Variants in DIS3L2 observed in about 807,000 individuals in gnomAD.
The protein encoded by DIS3L2 is DIS3-like exonuclease 2.
In DIS3L2, 34 loss-of-function variants were observed where a neutral mutation model predicts 97.5. The ratio of observed to expected loss-of-function variants is 0.35; its 90% confidence interval spans 0.27 to 0.46. DIS3L2 has a LOEUF of 0.46. Ranked by LOEUF, DIS3L2 falls within the 20% of genes least tolerant of loss-of-function variation. The pLI, the probability that DIS3L2 is intolerant of heterozygous loss-of-function variation, is 1.00. For synonymous variants in DIS3L2, 435 were observed against 445.2 expected (o/e 0.98, Z 0.29); for missense variants, 1,038 against 1,146.0 (o/e 0.91, Z 1.36).
intron 8 of DIS3L2, among the ~76,000 whole-genome samples, chr2:232,158,334 T>TGTGTGC (rs1553611915): frequency 3.4e-5 from 5 of 148,110 alleles, no homozygotes; most frequent in Non-Finnish European, 6.0e-5. Flanking sequence ...TGTGTGTGTG[T>TGTGTGC]GCATGTGTGT....
chr2:232,149,520 T>C (rs375926576), intron 8 of DIS3L2, among the ~76,000 whole-genome samples: 4,406 of 148,234 alleles, frequency 0.03, 208 homozygotes, highest in African/African-American at 0.1. Context: ...CTACAAAGGA[T>C]ATGAACTCAT....
intron 13 of DIS3L2, among the ~76,000 whole-genome samples, chr2:232,273,863 C>T (rs1694069989): frequency 1.3e-5 from 2 of 152,190 alleles, no homozygotes; most frequent in South Asian, 4.1e-4. Context: ...CTACCATTAG[C>T]TGTTAGTCCC....
chr2:232,058,244 T>C (rs768656507), intron 5 of DIS3L2, among the ~76,000 whole-genome samples: 3 of 152,230 alleles, frequency 2.0e-5, no homozygotes, highest in Non-Finnish European at 2.9e-5. Context: ...CACTTTCTTA[T>C]TTCAAAATTG....
At chr2:232,176,202 C>A (rs1691147050) in intron 9 of DIS3L2, among the ~76,000 whole-genome samples, 2 of 152,128 alleles carry the variant, frequency 1.3e-5, no homozygotes, top group Admixed American at 1.3e-4. Context: ...CTTCCTAGAA[C>A]TTTGTCTTTT....
chr2:232,068,756 T>G (rs1202351632), intron 5 of DIS3L2, among the ~76,000 whole-genome samples: 1 of 151,930 alleles, frequency 6.6e-6, no homozygotes, highest in Non-Finnish European at 1.5e-5. Flanking sequence ...TGTCCTGAAA[T>G]TTTTTTTATT....
In DIS3L2 at chr2:232,173,721, C is replaced by T. The variant is rs545745645; in HGVS notation, c.1124+10089C>T. Among the ~76,000 whole-genome samples the T allele has an allele frequency of 1.6e-4, 25 of 152,140 alleles. No homozygotes were observed. The East Asian group carries it at 3.1e-3, about 19-fold the overall frequency. On this transcript the variant is annotated intron_variant, in intron 9 of 20. Transcript: ENST00000325385. ...TTCTTTCTTCATGAAATTGTCTTGG[C>T]ATTTCTTGTCAAAAATTATTTGACC...
intron 9 of DIS3L2, among the ~76,000 whole-genome samples, chr2:232,202,365 T>C (rs1398096791): frequency 6.6e-6 from 1 of 152,096 alleles, no homozygotes; most frequent in East Asian, 1.9e-4. Flanking sequence ...GCCACTGCAC[T>C]CCAGCCTGGC....
intron 9 of DIS3L2, among the ~76,000 whole-genome samples, chr2:232,187,028 TG>T (rs1217147446): frequency 6.6e-6 from 1 of 152,220 alleles, no homozygotes; most frequent in Non-Finnish European, 1.5e-5. Context: ...AAAATTGTTT[TG>T]CAAATTATGT....
intron 14 of DIS3L2, chr2:232,329,554 C>T: frequency 7.4e-6 from 3 of 403,360 alleles, no homozygotes; most frequent in Non-Finnish European, 1.3e-5. Flanking sequence ...TCTCCAGGGT[C>T]CCCCTCTGGG....
intron 14 of DIS3L2, among the ~76,000 whole-genome samples, chr2:232,328,334 G>T (rs1436979384): frequency 2.0e-5 from 3 of 152,218 alleles, no homozygotes; most frequent in African/African-American, 7.2e-5. Context: ...TCCTCTCCAG[G>T]TGGTGCCTGC....
At chr2:232,008,912 T>G (rs1182899526) in intron 1 of DIS3L2, among the ~76,000 whole-genome samples, 1 of 152,246 alleles carries the variant, frequency 6.6e-6, no homozygotes, top group Non-Finnish European at 1.5e-5. Flanking sequence ...TTCCTTGTTC[T>G]TTCTTTTCTT....
At chr2:232,335,411 C>T (rs926445603) in intron 19 of DIS3L2, 10 of 267,902 alleles carry the variant, frequency 3.7e-5, no homozygotes, top group African/African-American at 1.8e-4. Context: ...CCTAGCTCAC[C>T]CTGCTGTGGG....
chr2:232,312,869 T>C (rs1695173574), intron 14 of DIS3L2, among the ~76,000 whole-genome samples: 1 of 152,258 alleles, frequency 6.6e-6, no homozygotes, highest in Middle Eastern at 3.2e-3. Context: ...GTAAATTTAA[T>C]TTTCTCTTTG....
chr2:232,330,820 A>T (rs750285233), intron 16 of DIS3L2, 44 bp downstream of exon 16: 1 of 1,577,372 alleles, frequency 6.3e-7, no homozygotes, highest in Non-Finnish European at 8.6e-7. Flanking sequence ...CCAGGAGCAC[A>T]CTAGCCCCAG....
chr2:232,168,360 A>G (rs1283450458), intron 9 of DIS3L2, among the ~76,000 whole-genome samples: 1 of 152,208 alleles, frequency 6.6e-6, no homozygotes, highest in Admixed American at 6.5e-5. Context: ...TGAAATTATA[A>G]TGTGGCTGGA....
chr2:232,262,377 G>A (rs1261104498), intron 12 of DIS3L2, among the ~76,000 whole-genome samples: 2 of 152,188 alleles, frequency 1.3e-5, no homozygotes, highest in East Asian at 1.9e-4. Context: ...ATACAGAAAA[G>A]TGAAAATAAT....
intron 9 of DIS3L2, among the ~76,000 whole-genome samples, chr2:232,174,828 G>T (rs1191284274): frequency 6.6e-6 from 1 of 151,662 alleles, no homozygotes; most frequent in East Asian, 1.9e-4. Flanking sequence ...AAAGCATTCA[G>T]TCATTCAGTT....
chr2:232,073,001 A>G (rs1222699694), intron 5 of DIS3L2, among the ~76,000 whole-genome samples: 1 of 152,186 alleles, frequency 6.6e-6, no homozygotes, highest in Non-Finnish European at 1.5e-5. Context: ...AAGCAAACGA[A>G]GTTCCCAACA....
At chr2:232,192,477 C>G (rs1255843836) in intron 9 of DIS3L2, among the ~76,000 whole-genome samples, 1 of 152,230 alleles carries the variant, frequency 6.6e-6, no homozygotes, top group African/African-American at 2.4e-5. Context: ...ATACTTCCCC[C>G]TTCCTCATAC....
Sources: allele counts gnomAD v4.1 joint callset (sites outside exome capture counted in the v4.1 genomes callset), GRCh38; gene constraint gnomAD v4.1.1; transcripts MANE v1.5; gene names NCBI Gene and HGNC (gene_info 2026-07-23, HGNC 2026-07-21).